FAM184A: variants seen among roughly 807,000 people sequenced by gnomAD.
FAM184A encodes family with sequence similarity 184 member A.
Under a neutral mutation model 143.8 loss-of-function variants are expected in FAM184A, and 99 were observed. The observed-to-expected ratio is 0.69, with a 90% CI of 0.58 to 0.81. The LOEUF is 0.81. Among genes scored for constraint, FAM184A ranks in the 40% least tolerant of loss-of-function variants. FAM184A has a pLI of 0.00. For missense variants in FAM184A, 1,217 were observed against 1,310.5 expected, an observed-to-expected ratio of 0.93 and a Z score of 1.10; for synonymous variants, 427 against 446.4, an observed-to-expected ratio of 0.96 and a Z score of 0.55.
At chr6:119,006,692 AT>A (rs1582495026) in intron 6 of FAM184A, 84 bp from the exon 7 acceptor site, 3 of 1,132,138 alleles carry the variant, frequency 2.6e-6, no homozygotes, top group Admixed American at 2.6e-5. Flanking sequence ...AAAGTTTTTT[AT>A]TTAGTTGTAA....
At chr6:119,117,873 G>A (rs1789101830) in intron 1 of FAM184A, among the ~76,000 whole-genome samples, 1 of 152,116 alleles carries the variant, frequency 6.6e-6, no homozygotes, top group Admixed American at 6.5e-5. Context: ...AGGGTTGAGA[G>A]AAACAGGCAG....
At chr6:118,970,008 A>ATATATATATATATATATATATATTTTT in intron 14 of FAM184A, among the ~76,000 whole-genome samples, 13 of 19,032 alleles carry the variant, frequency 6.8e-4, no homozygotes, top group East Asian at 3.0e-3. Flanking sequence ...ATATATATAT[A>ATATATATATATATATATATATATTTTT]TTTTTTTTTT....
chr6:118,995,411 C>T (rs1784515913), intron 9 of FAM184A, among the ~76,000 whole-genome samples: 1 of 151,736 alleles, frequency 6.6e-6, no homozygotes, highest in Non-Finnish European at 1.5e-5. Context: ...AGAGTGAGAC[C>T]CTGTCTCCAA....
chr6:119,124,621 T>C (rs1465657296), intron 1 of FAM184A, among the ~76,000 whole-genome samples: 1 of 152,160 alleles, frequency 6.6e-6, no homozygotes, highest in Admixed American at 6.5e-5. Flanking sequence ...ATCTAAATGA[T>C]AATGGGTATA....
Position 119,073,346 on chromosome 6 carries a change from C to T in FAM184A, c.159+4795G>A, listed in dbSNP as rs191265271. ...ATGTCTATACTAGTTAAGTGATAAA[C>T]AGACTCTGTATCAAAAGTGCAATCA... On this transcript the variant is annotated intron_variant, in intron 1 of 17. Transcript: ENST00000338891. Among the ~76,000 whole-genome samples, 5 of 152,312 alleles carry T rather than the reference C, an allele frequency of 3.3e-5. No individual in the cohort carries two copies. The East Asian group carries it at 7.7e-4, about 23-fold the overall frequency.
chr6:118,970,008 A>ATTTTTT (rs11272298), intron 14 of FAM184A, among the ~76,000 whole-genome samples: 11 of 19,006 alleles, frequency 5.8e-4, no homozygotes, highest in Admixed American at 1.5e-3. Flanking sequence ...ATATATATAT[A>ATTTTTT]TTTTTTTTTT....
intron 1 of FAM184A, among the ~76,000 whole-genome samples, chr6:119,120,806 CTCTTTCTTTCTTTCTTTCTTCCTT>C (rs1789189213): frequency 7.4e-6 from 1 of 134,636 alleles, no homozygotes; most frequent in Non-Finnish European, 1.5e-5. Flanking sequence ...GATGGTTTTT[CTCTTTCTTTCTTTCTTTCTTCCTT>C]TCTTTCTTTC....
At chr6:118,981,891 TG>T (rs1283448304) in intron 9 of FAM184A, among the ~76,000 whole-genome samples, 1 of 152,230 alleles carries the variant, frequency 6.6e-6, no homozygotes, top group Non-Finnish European at 1.5e-5. Flanking sequence ...TTATGAATTC[TG>T]CTTATTAATT....
intron 1 of FAM184A, among the ~76,000 whole-genome samples, chr6:119,061,525 A>ATTTTTTTTTTTTTTTTT (rs1476201793): frequency 1.9e-5 from 1 of 51,578 alleles, no homozygotes; most frequent in Non-Finnish European, 3.8e-5. Context: ...CTGGCTAATT[A>ATTTTTTTTTTTTTTTTT]TTTTTCTTTT....
Position 118,960,016 on chromosome 6 carries a change from G to T in FAM184A, c.*87C>A. The T allele has an allele frequency of 3.0e-6, 3 of 993,394 alleles. No individual in the cohort carries two copies. Among genetic ancestry groups the T allele is most frequent in the South Asian group, 3.4e-5 (2 of 58,940 alleles). 61.5% of individuals were successfully genotyped at this position (993,394 alleles called of 1,614,324 possible). On this transcript the variant is annotated 3_prime_UTR_variant, in exon 18 of 18. Transcript: ENST00000338891. ...AAATACTTTCTCATTCACAGTGTTT[G>T]ACATAGGAAAGCCTATTTACATAAC...
At chr6:119,132,878 T>G (rs1005384239) in intron 1 of FAM184A, among the ~76,000 whole-genome samples, 2 of 152,220 alleles carry the variant, frequency 1.3e-5, no homozygotes, top group Admixed American at 1.3e-4. Context: ...GAAGGTGGGT[T>G]GACTGGGATG....
chr6:119,023,221 T>A, intron 2 of FAM184A, 141 bp from the exon 3 acceptor site: 2 of 827,852 alleles, frequency 2.4e-6, no homozygotes, highest in Non-Finnish European at 3.7e-6. Flanking sequence ...TAAGTATTAG[T>A]GATTTATAAC....
At chr6:119,068,030 TG>T (rs58305240) in intron 1 of FAM184A, among the ~76,000 whole-genome samples, 3,470 of 133,354 alleles carry the variant, frequency 0.026, 55 homozygotes, top group African/African-American at 0.037. Flanking sequence ...CCTACTTTAT[TG>T]TTTTTTTGTG....
At chr6:118,979,762 G>A (rs982432459) in intron 10 of FAM184A, among the ~76,000 whole-genome samples, 4 of 152,034 alleles carry the variant, frequency 2.6e-5, no homozygotes, top group African/African-American at 9.7e-5. Context: ...TATTGAACAG[G>A]CTGGGCACAG....
chr6:118,979,983 G>C (rs1336872982), intron 10 of FAM184A, among the ~76,000 whole-genome samples, 155 bp downstream of exon 10: 3 of 152,138 alleles, frequency 2.0e-5, no homozygotes, highest in African/African-American at 4.8e-5. Flanking sequence ...AGGAAGTCGA[G>C]ACTGCAGTGA....
At chr6:119,033,128 C>T (rs532703494) in intron 1 of FAM184A, among the ~76,000 whole-genome samples, 2 of 152,204 alleles carry the variant, frequency 1.3e-5, no homozygotes, top group East Asian at 3.9e-4. Context: ...AAGTAGCTTA[C>T]TAAGGGAATC....
intron 1 of FAM184A, among the ~76,000 whole-genome samples, chr6:119,062,076 A>G (rs899992442): frequency 2.0e-5 from 3 of 152,094 alleles, no homozygotes; most frequent in African/African-American, 7.2e-5. Flanking sequence ...TTTTGAACAC[A>G]GCCAACTAGA....
chr6:119,092,877 G>A (rs1233506694), intron 1 of FAM184A, among the ~76,000 whole-genome samples: 3 of 152,082 alleles, frequency 2.0e-5, no homozygotes, highest in Non-Finnish European at 4.4e-5. Context: ...GGTTATGAAA[G>A]TCAAGTAATA....
chr6:118,960,302 G>A (rs1238325279), intron 17 of FAM184A, 118 bp from the exon 18 acceptor site: 9 of 751,874 alleles, frequency 1.2e-5, no homozygotes, highest in African/African-American at 8.7e-5. Context: ...GTTGTAAGTC[G>A]TGTTTTAAAG....
Sources: allele counts gnomAD v4.1 joint callset (sites outside exome capture counted in the v4.1 genomes callset), GRCh38; gene constraint gnomAD v4.1.1; transcripts MANE v1.5; gene names NCBI Gene and HGNC (gene_info 2026-07-23, HGNC 2026-07-21).